PDSS2: variants seen among roughly 807,000 people sequenced by gnomAD.
The protein encoded by PDSS2 is decaprenyl diphosphate synthase subunit 2.
In PDSS2, 31 loss-of-function variants were observed where a neutral mutation model predicts 44.5. That is an observed-to-expected ratio of 0.70 (90% CI 0.52 to 0.94). PDSS2 has a LOEUF of 0.94. PDSS2 is among the 40% of genes least tolerant of loss of function. PDSS2 has a pLI of 0.00. For synonymous variants in PDSS2, 157 were observed against 180.3 expected (o/e 0.87, Z 1.03); for missense variants, 452 against 482.2 (o/e 0.94, Z 0.59).
chr6:107,314,542 T>C lies in PDSS2; in HGVS notation c.431+19656A>G, dbSNP rs137882723. On this transcript the variant is annotated intron_variant, in intron 2 of 7. Transcript: ENST00000369037. ...TATTATGCCAGACGGTAATGAGCCATCCACAAAGGGCTAGCTATCCAAAAT... is the reference window on the plus strand; with the variant it reads ...TATTATGCCAGACGGTAATGAGCCACCCACAAAGGGCTAGCTATCCAAAAT... Among the ~76,000 whole-genome samples, 294 of 152,274 alleles carry C rather than the reference T, an allele frequency of 1.9e-3. 3 individuals carry two copies. Among genetic ancestry groups the C allele is most frequent in the Admixed American group, 0.017 (253 of 15,290 alleles).
In PDSS2 at chr6:107,289,433, A is replaced by G. The variant is rs192517758; in HGVS notation, c.432-15206T>C. Among the ~76,000 whole-genome samples, 39 of 151,274 alleles carry G rather than the reference A, an allele frequency of 2.6e-4. No individual in the cohort carries two copies. The East Asian group carries it at 6.9e-3, about 27-fold the overall frequency. On this transcript the variant is annotated intron_variant, in intron 2 of 7. Coordinates refer to ENST00000369037, the MANE Select transcript of PDSS2 (RefSeq NM_020381.4). ...AGGCCAGGTGCAGTGGCTCATGCCT[A>G]TCATGCCTATAATCCAAGCACTGTG...
At chr6:107,201,412 A>AAAAAAAC (rs1772771333) in intron 6 of PDSS2, among the ~76,000 whole-genome samples, 1 of 147,768 alleles carries the variant, frequency 6.8e-6, no homozygotes, top group Non-Finnish European at 1.5e-5. Context: ...AAAAAAAAAA[A>AAAAAAAC]AAGCCAGCAC....
chr6:107,326,434 G>A lies in PDSS2; in HGVS notation c.431+7764C>T, dbSNP rs1359149940. Among the ~76,000 whole-genome samples, 3 of 151,918 alleles carry A rather than the reference G, an allele frequency of 2.0e-5. No homozygotes were observed. In the East Asian group the frequency reaches 5.8e-4, roughly 30 times the overall value. On this transcript the variant is annotated intron_variant, in intron 2 of 7. Coordinates refer to ENST00000369037, the MANE Select transcript of PDSS2 (RefSeq NM_020381.4). The stretch of plus-strand genomic sequence containing the variant: ...CCAATCATCTGAACTATGTTTAAAA[G>A]CACATAGAGGACACAGTCTTCTCTT...
intron 3 of PDSS2, among the ~76,000 whole-genome samples, chr6:107,261,798 C>T (rs568146252): frequency 2.7e-5 from 4 of 150,616 alleles, no homozygotes; most frequent in East Asian, 3.9e-4. Context: ...AGGCTGGTCT[C>T]GAACTCCTGA....
intron 4 of PDSS2, among the ~76,000 whole-genome samples, chr6:107,234,144 T>C (rs1489462256): frequency 2.0e-5 from 3 of 152,208 alleles, no homozygotes; most frequent in Non-Finnish European, 4.4e-5. Context: ...TAAAGCCTGG[T>C]AGATAATCAC....
chr6:107,424,545 C>T (rs867597905), intron 1 of PDSS2, among the ~76,000 whole-genome samples: 1 of 151,956 alleles, frequency 6.6e-6, no homozygotes. Context: ...CAACACTTAG[C>T]TATTATTTCT....
chr6:107,391,101 T>C (rs1402291353), intron 1 of PDSS2, among the ~76,000 whole-genome samples: 3 of 117,848 alleles, frequency 2.5e-5, no homozygotes, highest in African/African-American at 9.9e-5. Context: ...TTTTAATACT[T>C]AGAACCACCT....
At chr6:107,267,588 CTTTTT>C (rs55860139) in intron 3 of PDSS2, among the ~76,000 whole-genome samples, 4 of 132,364 alleles carry the variant, frequency 3.0e-5, no homozygotes, top group Non-Finnish European at 3.3e-5. Flanking sequence ...GATTCTCTTT[CTTTTT>C]TTTTTTTTTT....
At chr6:107,199,948 C>T (rs776182015) in intron 6 of PDSS2, among the ~76,000 whole-genome samples, 2 of 152,052 alleles carry the variant, frequency 1.3e-5, no homozygotes, top group African/African-American at 2.4e-5. Flanking sequence ...TTTATAAATA[C>T]ACTAAAGAAG....
intron 2 of PDSS2, among the ~76,000 whole-genome samples, chr6:107,312,159 GA>G (rs900769333): frequency 1.3e-5 from 2 of 152,208 alleles, no homozygotes; most frequent in Non-Finnish European, 2.9e-5. Context: ...TCTAGTGCAA[GA>G]ATAGTTATTC....
At chr6:107,287,921 G>A (rs1776209747) in intron 2 of PDSS2, among the ~76,000 whole-genome samples, 1 of 152,124 alleles carries the variant, frequency 6.6e-6, no homozygotes, top group Admixed American at 6.5e-5. Context: ...CTTGAACCCA[G>A]GAGTTCAAGG....
At chr6:107,360,038 G>A (rs1322054244) in intron 1 of PDSS2, among the ~76,000 whole-genome samples, 1 of 152,138 alleles carries the variant, frequency 6.6e-6, no homozygotes, top group Non-Finnish European at 1.5e-5. Context: ...CAGTGACCTA[G>A]GAGCATTAAA....
intron 4 of PDSS2, among the ~76,000 whole-genome samples, chr6:107,217,911 G>A (rs926695665): frequency 2.0e-5 from 3 of 152,182 alleles, no homozygotes; most frequent in Non-Finnish European, 4.4e-5. Context: ...CAAGCTGCCT[G>A]CTATAATCTC....
In PDSS2 at chr6:107,429,639, C is replaced by A. The variant is rs143577284; in HGVS notation, c.296+29351G>T. Among the ~76,000 whole-genome samples the A allele has an allele frequency of 7.9e-5, 12 of 151,846 alleles. No individual in the cohort carries two copies. The South Asian group carries it at 2.3e-3, about 29-fold the overall frequency. The stretch of plus-strand genomic sequence containing the variant: ...GTGGCTCACACCTGTAATCTCTGCA[C>A]GCTGGGAGGCCAAGGCAGCCAGATC... On this transcript the variant is annotated intron_variant, in intron 1 of 7. Coordinates refer to ENST00000369037, the MANE Select transcript of PDSS2 (RefSeq NM_020381.4).
intron 3 of PDSS2, among the ~76,000 whole-genome samples, chr6:107,247,232 GCT>G (rs1033153824): frequency 3.9e-5 from 6 of 152,212 alleles, no homozygotes; most frequent in Non-Finnish European, 8.8e-5. Context: ...AACAGTTTGA[GCT>G]CTGAGACCAG....
intron 4 of PDSS2, among the ~76,000 whole-genome samples, chr6:107,231,111 C>T (rs1774035536): frequency 1.3e-5 from 2 of 152,000 alleles, no homozygotes; most frequent in African/African-American, 2.4e-5. Context: ...TAGCTTGGGG[C>T]CTCTCATGAC....
intron 2 of PDSS2, among the ~76,000 whole-genome samples, chr6:107,323,641 T>G (rs569708751): frequency 6.6e-6 from 1 of 152,278 alleles, no homozygotes; most frequent in Non-Finnish European, 1.5e-5. Context: ...GGATCACCAT[T>G]AAGTCATGAA....
intron 1 of PDSS2, among the ~76,000 whole-genome samples, chr6:107,414,511 T>C (rs1583055454): frequency 6.6e-6 from 1 of 152,180 alleles, no homozygotes; most frequent in Admixed American, 6.5e-5. Context: ...CAAGTATACA[T>C]ACATTCTTAA....
At chr6:107,286,252 A>T (rs1194286037) in intron 2 of PDSS2, among the ~76,000 whole-genome samples, 1 of 152,182 alleles carries the variant, frequency 6.6e-6, no homozygotes, top group Non-Finnish European at 1.5e-5. Context: ...TAACGCCTGT[A>T]ATCCCAGCAC....
Sources: gnomAD v4.1 joint callset for allele counts (sites outside exome capture counted in the v4.1 genomes callset) on GRCh38, gnomAD v4.1.1 for gene constraint, MANE v1.5 for transcripts, NCBI Gene and HGNC (gene_info 2026-07-23, HGNC 2026-07-21) for gene names.